The following MYCBP2 variants were observed in gnomAD, a reference collection of about 807,000 sequenced individuals.
The protein encoded by MYCBP2 is MYC binding protein 2.
In MYCBP2, 120 loss-of-function variants were observed where a neutral mutation model predicts 525.3. The ratio of observed to expected loss-of-function variants is 0.23; its 90% confidence interval spans 0.20 to 0.27. MYCBP2 has a LOEUF of 0.27. Among genes scored for constraint, MYCBP2 ranks in the 10% least tolerant of loss-of-function variants. The probability of loss-of-function intolerance (pLI) is 1.00; values close to 1 mark genes in which losing one functional copy is unlikely to be tolerated. For synonymous variants in MYCBP2, 1,894 were observed against 1,955.8 expected, an observed-to-expected ratio of 0.97 and a Z score of 0.83; for missense variants, 4,149 against 5,657.1, an observed-to-expected ratio of 0.73 and a Z score of 8.55.
intron 55 of MYCBP2, among the ~76,000 whole-genome samples, chr13:77,108,227 C>T (rs1044816880): frequency 2.6e-5 from 4 of 152,108 alleles, no homozygotes; most frequent in Non-Finnish European, 4.4e-5. Flanking sequence ...ATGACATCTA[C>T]ACATAATTGA....
intron 26 of MYCBP2, among the ~76,000 whole-genome samples, chr13:77,199,706 G>A (rs548842267): frequency 1.3e-5 from 2 of 152,238 alleles, no homozygotes; most frequent in Non-Finnish European, 2.9e-5. Flanking sequence ...AGAAAGGGCA[G>A]ACTGCCTCCT....
At chr13:77,198,743 T>C (rs1464668250) in intron 26 of MYCBP2, among the ~76,000 whole-genome samples, 2 of 152,164 alleles carry the variant, frequency 1.3e-5, no homozygotes, top group African/African-American at 4.8e-5. Flanking sequence ...CCTAACACTA[T>C]CTCTCACTCC....
chr13:77,277,115 A>G (rs934051826), intron 4 of MYCBP2, among the ~76,000 whole-genome samples: 2 of 152,216 alleles, frequency 1.3e-5, no homozygotes, highest in African/African-American at 2.4e-5. Flanking sequence ...AGACATGAGA[A>G]TGGTAGAAGA....
At chr13:77,079,875 G>C (rs894685126) in intron 65 of MYCBP2, among the ~76,000 whole-genome samples, 1 of 152,166 alleles carries the variant, frequency 6.6e-6, no homozygotes, top group Non-Finnish European at 1.5e-5. Flanking sequence ...CTATAACATA[G>C]AGGAAGCCTG....
chr13:77,323,152 T>TA (rs1170808904), intron 1 of MYCBP2, among the ~76,000 whole-genome samples: 1 of 152,170 alleles, frequency 6.6e-6, no homozygotes, highest in East Asian at 1.9e-4. Flanking sequence ...TCTACATATT[T>TA]AAAAAACTGA....
intron 59 of MYCBP2, among the ~76,000 whole-genome samples, chr13:77,091,338 T>C (rs1230532175): frequency 1.3e-5 from 2 of 151,972 alleles, no homozygotes; most frequent in Admixed American, 6.6e-5. Flanking sequence ...TATATGGTGT[T>C]ACTATAAAGC....
Position 77,061,236 on chromosome 13 carries a change from C to A in MYCBP2, c.12969G>T (p.Leu4323Phe). The A allele has an allele frequency of 6.2e-7, 1 of 1,612,708 alleles. No individual in the cohort carries two copies. Among genetic ancestry groups the A allele is most frequent in the Non-Finnish European group, 8.5e-7 (1 of 1,179,334 alleles). The change falls in exon 76 of 83, where the codon TTG becomes TTT. Residue 4323 changes from leucine to phenylalanine, a missense_variant. Transcript: ENST00000544440. The part of the protein sequence containing the change: ...DLHEGCGRTK[L>F]FWLMALADSK... ...AATCTGCCAGTGCCATCAACCAGAA[C>A]AATTTGGTTCTACCACAACCTTCAT...
At chr13:77,225,592 T>C in intron 18 of MYCBP2, 38 bp from the exon 19 acceptor site, 1 of 1,604,122 alleles carries the variant, frequency 6.2e-7, no homozygotes, top group Non-Finnish European at 8.5e-7. Context: ...GATTAAGCCA[T>C]TATTCATCTT....
chr13:77,181,959 A>G, intron 32 of MYCBP2, 37 bp from the exon 33 acceptor site: 1 of 1,499,472 alleles, frequency 6.7e-7, no homozygotes, highest in Admixed American at 1.7e-5. Flanking sequence ...CAACCAAAAA[A>G]TATAGCATCA....
intron 37 of MYCBP2, among the ~76,000 whole-genome samples, chr13:77,172,456 G>T (rs989586570): frequency 6.6e-6 from 1 of 152,148 alleles, no homozygotes; most frequent in African/African-American, 2.4e-5. Flanking sequence ...GTGGAACTTG[G>T]TATGATTTAT....
chr13:77,158,118 T>C lies in MYCBP2; in HGVS notation c.6598-9A>G. ...GAATGGGTTTTGCACACCTGTTAAG[T>C]AAAAAAGAATATTTATATATTCTTA... On this transcript the variant is annotated splice_polypyrimidine_tract_variant and intron_variant, in intron 44 of 82. Transcript: ENST00000544440. 2 of 1,520,602 alleles carry C rather than the reference T, an allele frequency of 1.3e-6. No individual in the cohort carries two copies. The highest frequency in any genetic ancestry group is 1.4e-5 in the African/African-American group (1 of 70,494). 94.2% of individuals were successfully genotyped at this position (1,520,602 alleles called of 1,614,324 possible). A position where few individuals can be genotyped will look rare whatever the true frequency, so the allele number is the denominator to read the frequency against.
chr13:77,168,915 A>G (rs1447084287), intron 39 of MYCBP2, among the ~76,000 whole-genome samples: 2 of 152,218 alleles, frequency 1.3e-5, no homozygotes, highest in Non-Finnish European at 2.9e-5. Context: ...CAAAGAATCA[A>G]TAGTTTATCA....
At chr13:77,142,275 G>A (rs925003101) in intron 49 of MYCBP2, among the ~76,000 whole-genome samples, 1 of 152,138 alleles carries the variant, frequency 6.6e-6, no homozygotes, top group Non-Finnish European at 1.5e-5. Context: ...TCATTAAAGT[G>A]TTAACACTTG....
intron 59 of MYCBP2, among the ~76,000 whole-genome samples, chr13:77,091,379 T>G (rs184418865): frequency 2.7e-4 from 41 of 152,042 alleles, no homozygotes; most frequent in Admixed American, 2.1e-3. Flanking sequence ...CAGAGGAAGT[T>G]TTCTACTAAC....
chr13:77,154,842 C>T (rs1261692962), intron 46 of MYCBP2, among the ~76,000 whole-genome samples: 3 of 151,752 alleles, frequency 2.0e-5, no homozygotes, highest in African/African-American at 4.8e-5. Flanking sequence ...ATTTGTGATG[C>T]TTTTTGCATT....
At chr13:77,125,024 T>C (rs1229142706) in intron 54 of MYCBP2, among the ~76,000 whole-genome samples, 3 of 152,132 alleles carry the variant, frequency 2.0e-5, no homozygotes, top group Admixed American at 1.3e-4. Context: ...ATAGAAGGGA[T>C]AGAACGTTCA....
Position 77,288,279 on chromosome 13 carries a change from A to C in MYCBP2, c.476T>G (p.Leu159Arg). ...NIYCNVRHCV[L>R]EWQKKEISLA... ...TGATATTTCCTTTTTCTGCCATTCC[A>C]GAACGCAATGGCGTACATTACAGTA... The change falls in exon 3 of 83, where the codon CTG becomes CGG. Residue 159 changes from leucine (L) to arginine (R), a missense_variant. Leu to Arg is a moderately radical substitution (Grantham distance 102). Around this residue, in one of 21 missense-constraint regions of MYCBP2, gnomAD observed 413 missense variants for 451.2 expected, o/e 0.92. Transcript: ENST00000544440. The C allele has an allele frequency of 1.9e-6, 3 of 1,614,144 alleles. No homozygotes were observed. Among genetic ancestry groups the C allele is most frequent in the Non-Finnish European group, 2.5e-6 (3 of 1,179,974 alleles).
Position 77,263,957 on chromosome 13 carries a change from T to C in MYCBP2, c.1403A>G (p.Tyr468Cys), listed in dbSNP as rs1382798953. Residue 468 changes from tyrosine to cysteine, a missense_variant, in exon 9 of 83, where the codon TAT becomes TGT. This residue lies in a region of MYCBP2 where 262 missense variants were observed against 419.3 expected (regional missense o/e 0.62). Coordinates refer to ENST00000544440, the MANE Select transcript of MYCBP2 (RefSeq NM_015057.5). ...GQNILFTDGE[Y>C]INQIAASRDD... ...TCTTGAAGCAGCTATCTGATTAATATATTCTCCATCAGTGAATAAAATATT... is the reference window on the plus strand; with the variant it reads ...TCTTGAAGCAGCTATCTGATTAATACATTCTCCATCAGTGAATAAAATATT... 1.2e-6 allele frequency: 2 copies of C among 1,612,802 alleles called. No individual in the cohort carries two copies. The highest frequency in any genetic ancestry group is 2.2e-5 in the East Asian group (1 of 44,786).
At chr13:77,153,318 T>C (rs2056768579) in intron 46 of MYCBP2, among the ~76,000 whole-genome samples, 1 of 152,194 alleles carries the variant, frequency 6.6e-6, no homozygotes, top group Admixed American at 6.5e-5. Context: ...CCAGAGGTGC[T>C]TGCCTGGGCC....
Sources: gnomAD v4.1 joint callset for allele counts (sites outside exome capture counted in the v4.1 genomes callset) on GRCh38, gnomAD v4.1.1 for gene constraint, gnomAD v4.1.1 regional missense constraint, MANE v1.5 for transcripts, NCBI Gene and HGNC (gene_info 2026-07-23, HGNC 2026-07-21) for gene names.